The following LCN1 variants were observed in gnomAD, a reference collection of about 807,000 sequenced individuals.
The protein encoded by LCN1 is lipocalin-1.
In LCN1, 25 loss-of-function variants were observed where a neutral mutation model predicts 22.3. The observed-to-expected ratio is 1.12, with a 90% CI of 0.82 to 1.56. The LOEUF is 1.56. Ranked by LOEUF, LCN1 falls within the 40% of genes most tolerant of loss-of-function variation. The probability of loss-of-function intolerance (pLI) is 0.00; values close to 1 mark genes in which losing one functional copy is unlikely to be tolerated. For missense variants in LCN1, 219 were observed against 235.6 expected, an observed-to-expected ratio of 0.93 and a Z score of 0.46; for synonymous variants, 85 against 97.6, an observed-to-expected ratio of 0.87 and a Z score of 0.76.
Position 135,524,829 on chromosome 9 carries a change from G to A in LCN1, c.404-1G>A. ...CCCACATCTCGTCCTGGCACCCACA[G>A]GCAGAGACCCCAAGAACAACCTGGA... On this transcript the variant is annotated splice_acceptor_variant, in intron 4 of 6. Coordinates refer to ENST00000371781, the MANE Select transcript of LCN1 (RefSeq NM_002297.4). LOFTEE classifies it high-confidence loss of function. 2 of 1,599,582 alleles carry A rather than the reference G, an allele frequency of 1.3e-6. No individual in the cohort carries two copies. Among genetic ancestry groups the A allele is most frequent in the Admixed American group, 1.7e-5 (1 of 58,190 alleles).
chr9:135,523,349 G>A (rs780584853), intron 3 of LCN1, 47 bp downstream of exon 3: 2 of 1,564,910 alleles, frequency 1.3e-6, no homozygotes, highest in South Asian at 2.3e-5. Flanking sequence ...ACACACGCTG[G>A]ATGTGCGGGG....
intron 5 of LCN1, 94 bp from the exon 6 acceptor site, chr9:135,525,038 C>T (rs1831597444): frequency 6.4e-7 from 1 of 1,565,210 alleles, no homozygotes; most frequent in African/African-American, 1.4e-5. Flanking sequence ...TGGCTTTGTC[C>T]TTCCTGGGGT....
At chr9:135,524,961 A>C (rs1163732528) in intron 5 of LCN1, 30 bp downstream of exon 5, 1 of 1,589,148 alleles carries the variant, frequency 6.3e-7, no homozygotes, top group African/African-American at 1.3e-5. Flanking sequence ...AGAGCCCCCC[A>C]TGTCCCCGCG....
chr9:135,522,954 T>A (rs1344354339), intron 2 of LCN1, among the ~76,000 whole-genome samples: 1 of 144,964 alleles, frequency 6.9e-6, no homozygotes. Flanking sequence ...GCAGCCTGGG[T>A]GCCTCTGGCA....
chr9:135,525,775 C>T (rs969004199), intron 6 of LCN1, among the ~76,000 whole-genome samples: 8 of 151,948 alleles, frequency 5.3e-5, no homozygotes, highest in African/African-American at 1.2e-4. Context: ...CTGCTCCATC[C>T]GCTCCAATCT....
Position 135,524,886 on chromosome 9 carries a change from G to T in LCN1, c.460G>T (p.Ala154Ser), listed in dbSNP as rs1334590678. 1.9e-6 allele frequency: 3 copies of T among 1,608,288 alleles called. No homozygotes were observed. Among genetic ancestry groups the T allele is most frequent in the Non-Finnish European group, 2.5e-6 (3 of 1,177,460 alleles). ...GGAGGACTTTGAGAAAGCCGCAGGA[G>T]CCCGCGGACTCAGCACGGAGAGCAT... is the stretch of plus-strand genomic sequence containing the variant. The part of the protein sequence containing the change: ...ALEDFEKAAG[A>S]RGLSTESILI... The change falls in exon 5 of 7, where the codon GCC becomes TCC. Residue 154 changes from alanine (A) to serine (S), a missense_variant. By Grantham distance (99) the Ala-to-Ser change is moderately conservative (BLOSUM62 1). Transcript: ENST00000371781.
chr9:135,525,829 G>GC (rs1232659776), intron 6 of LCN1, among the ~76,000 whole-genome samples: 1 of 139,552 alleles, frequency 7.2e-6, no homozygotes, highest in African/African-American at 2.7e-5. Context: ...GTCCGTGTGT[G>GC]CCCCCCACAC....
intron 6 of LCN1, 70 bp downstream of exon 6, chr9:135,525,228 A>G (rs753362250): frequency 1.4e-5 from 20 of 1,472,468 alleles, no homozygotes; most frequent in South Asian, 2.4e-5. Flanking sequence ...TCCAGAGGCC[A>G]TGGGGTCTCT....
At chr9:135,525,044 G>A in intron 5 of LCN1, 88 bp from the exon 6 acceptor site, 6 of 1,566,898 alleles carry the variant, frequency 3.8e-6, no homozygotes, top group Non-Finnish European at 5.2e-6. Flanking sequence ...TGTCCTTCCT[G>A]GGGTGGTGGA....
At chr9:135,522,248 G>A in intron 2 of LCN1, 71 bp downstream of exon 2, 8 of 1,530,930 alleles carry the variant, frequency 5.2e-6, no homozygotes, top group Non-Finnish European at 7.0e-6. Context: ...ACCCAGGAGA[G>A]CTCTGGTGCT....
At chr9:135,525,599 G>A (rs138667519) in intron 6 of LCN1, among the ~76,000 whole-genome samples, 280 of 152,170 alleles carry the variant, frequency 1.8e-3, no homozygotes, top group Non-Finnish European at 3.0e-3. Context: ...GCTGCACAAG[G>A]GGACCAGAGT....
At chr9:135,524,742 C>T (rs1831586912) in intron 4 of LCN1, 88 bp from the exon 5 acceptor site, 1 of 1,069,702 alleles carries the variant, frequency 9.3e-7, no homozygotes, top group South Asian at 1.6e-5. Flanking sequence ...GTCCCCTTCC[C>T]CAGCCCAGCT....
chr9:135,524,809 A>C, intron 4 of LCN1, 21 bp from the exon 5 acceptor site: 1 of 1,578,966 alleles, frequency 6.3e-7, no homozygotes, highest in Non-Finnish European at 8.6e-7. Context: ...GAGCACCCAC[A>C]TCTCGTCCTG....
chr9:135,521,983 G>A, intron 1 of LCN1, 64 bp from the exon 2 acceptor site: 2 of 1,567,276 alleles, frequency 1.3e-6, no homozygotes, highest in Non-Finnish European at 1.7e-6. Context: ...AGGGGCTGCA[G>A]GCCAGGGAAG....
Position 135,521,505 on chromosome 9 carries a change from C to G in LCN1, c.8C>G (p.Pro3Arg). The G allele has an allele frequency of 6.2e-7, 1 of 1,612,334 alleles. No individual in the cohort carries two copies. MKPLLLAVSLGLI... is the reference protein window; with the variant it reads MKRLLLAVSLGLI... ...TGGACTCAGACTCCGGAGATGAAGC[C>G]CCTGCTCCTGGCCGTCAGCCTTGGC... The change falls in exon 1 of 7, where the codon CCC becomes CGC. Residue 3 changes from proline (P) to arginine (R), a missense_variant. Transcript: ENST00000371781.
chr9:135,525,276 C>A, intron 6 of LCN1, 118 bp downstream of exon 6: 1 of 994,114 alleles, frequency 1.0e-6, no homozygotes, highest in Non-Finnish European at 1.5e-6. Flanking sequence ...GGAGATGCCC[C>A]ACGTAGGTCA....
chr9:135,525,554 G>A (rs1185113832), intron 6 of LCN1, among the ~76,000 whole-genome samples: 5 of 152,142 alleles, frequency 3.3e-5, no homozygotes, highest in Admixed American at 3.3e-4. Flanking sequence ...TGGCAGGCGT[G>A]CCTGTGCTCG....
intron 3 of LCN1, among the ~76,000 whole-genome samples, chr9:135,523,654 A>C (rs1195884559): frequency 6.6e-6 from 1 of 152,054 alleles, no homozygotes; most frequent in Non-Finnish European, 1.5e-5. Flanking sequence ...CCCGTGACTC[A>C]CTGGTTTGGG....
At chr9:135,524,303 G>C (rs1244137154) in intron 4 of LCN1, among the ~76,000 whole-genome samples, 2 of 152,198 alleles carry the variant, frequency 1.3e-5, no homozygotes, top group Non-Finnish European at 2.9e-5. Context: ...TGTCATCCTT[G>C]AGCGCGTTCC....
Sources: gnomAD v4.1 joint callset for allele counts (sites outside exome capture counted in the v4.1 genomes callset) on GRCh38, gnomAD v4.1.1 for gene constraint, MANE v1.5 for transcripts, NCBI Gene and HGNC (gene_info 2026-07-23, HGNC 2026-07-21) for gene names.